Variants in CD109 observed in about 807,000 individuals in gnomAD.
CD109 encodes CD109 antigen.
In CD109, 149 loss-of-function variants were observed where a neutral mutation model predicts 165.8. The observed-to-expected ratio is 0.90, with a 90% CI of 0.79 to 1.03. The LOEUF is 1.03. CD109 is among the 50% of genes least tolerant of loss of function. The probability of loss-of-function intolerance (pLI) is 0.00; values close to 1 mark genes in which losing one functional copy is unlikely to be tolerated. For synonymous variants in CD109, 585 were observed against 592.1 expected, an observed-to-expected ratio of 0.99 and a Z score of 0.18; for missense variants, 1,712 against 1,677.8, an observed-to-expected ratio of 1.02 and a Z score of -0.36.
At chr6:73,680,188 T>C in the CD109 span, among the ~76,000 whole-genome samples, 571 of 152,320 alleles carry the variant, frequency 3.7e-3, 1 homozygote, top group African/African-American at 0.012. Flanking sequence ...ATTTCCTAAC[T>C]ATATTACATA....
At chr6:73,778,121 T>C (rs1482754763) in intron 15 of CD109, among the ~76,000 whole-genome samples, 3 of 152,194 alleles carry the variant, frequency 2.0e-5, no homozygotes, top group African/African-American at 7.2e-5. Context: ...AGAGATCTTT[T>C]ACCTCCCTAG....
At chr6:73,687,193 T>C in the CD109 span, among the ~76,000 whole-genome samples, 2 of 152,326 alleles carry the variant, frequency 1.3e-5, no homozygotes, top group African/African-American at 4.8e-5. Flanking sequence ...AAATCCCTCA[T>C]ATCTACTATT....
At chr6:73,783,930 G>A (rs767413194) in intron 19 of CD109, 106 bp downstream of exon 19, 2 of 633,136 alleles carry the variant, frequency 3.2e-6, no homozygotes, top group Non-Finnish European at 5.5e-6. Context: ...GTTTATCACA[G>A]TTTAGAGATT....
At chr6:73,761,686 A>G (rs1020435423) in intron 7 of CD109, among the ~76,000 whole-genome samples, 1 of 151,692 alleles carries the variant, frequency 6.6e-6, no homozygotes, top group Non-Finnish European at 1.5e-5. Context: ...ACGCCTGGCT[A>G]ATTTTTTTGC....
At chr6:73,798,255 C>T (rs1215173650) in intron 23 of CD109, among the ~76,000 whole-genome samples, 1 of 152,072 alleles carries the variant, frequency 6.6e-6, no homozygotes, top group Non-Finnish European at 1.5e-5. Context: ...GCTGGGACTA[C>T]AGGTGTGTGC....
At chr6:73,805,984 T>C (rs1460141401) in intron 24 of CD109, among the ~76,000 whole-genome samples, 2 of 152,054 alleles carry the variant, frequency 1.3e-5, no homozygotes, top group Non-Finnish European at 2.9e-5. Context: ...CTCTTTCTTT[T>C]CCCCACACCC....
chr6:73,711,432 TTG>T (rs1035291855), intron 2 of CD109, among the ~76,000 whole-genome samples: 9 of 152,344 alleles, frequency 5.9e-5, no homozygotes, highest in Admixed American at 1.3e-4. Flanking sequence ...CTCAGAATAC[TTG>T]TGTTTTCTGT....
chr6:73,736,812 T>A (rs1017419996), intron 5 of CD109, among the ~76,000 whole-genome samples: 2 of 152,238 alleles, frequency 1.3e-5, no homozygotes, highest in Non-Finnish European at 2.9e-5. Context: ...TAAAACTAAG[T>A]AATGAACACA....
chr6:73,729,291 A>T (rs547296349), intron 3 of CD109, among the ~76,000 whole-genome samples: 193 of 152,284 alleles, frequency 1.3e-3, no homozygotes, highest in African/African-American at 4.4e-3. Context: ...TGAAGGGACT[A>T]AAGTCAGAGA....
chr6:73,810,984 C>T lies in CD109; in HGVS notation c.3547-8C>T. The T allele has an allele frequency of 1.2e-6, 2 of 1,608,630 alleles. No individual in the cohort carries two copies. The highest frequency in any genetic ancestry group is 1.7e-6 in the Non-Finnish European group (2 of 1,177,924). ...TTATATGTACAAATGTTTTTCTTCC[C>T]TCAACAGGATACCACTGTGGCTTTA... is the stretch of plus-strand genomic sequence containing the variant. On this transcript the variant is annotated splice_region_variant and splice_polypyrimidine_tract_variant and intron_variant, in intron 27 of 32. Coordinates refer to ENST00000287097, the MANE Select transcript of CD109 (RefSeq NM_133493.5).
At chr6:73,713,978 C>A (rs1771629875) in intron 2 of CD109, among the ~76,000 whole-genome samples, 1 of 152,010 alleles carries the variant, frequency 6.6e-6, no homozygotes, top group African/African-American at 2.4e-5. Flanking sequence ...TGGTATCAGA[C>A]CAGGGCAGGA....
Position 73,722,433 on chromosome 6 carries a change from G to A in CD109, c.248-818G>A, listed in dbSNP as rs149485605. On this transcript the variant is annotated intron_variant, in intron 2 of 32. Coordinates refer to ENST00000287097, the MANE Select transcript of CD109 (RefSeq NM_133493.5). ...CAGTACATATCAAATTCTTGATGTG[G>A]TCTGATTCCAGATGCTGCTAGCTTA... 1.9e-4 allele frequency among the ~76,000 whole-genome samples: 29 copies of A among 152,258 alleles called. No individual in the cohort carries two copies. The East Asian group carries it at 4.8e-3, about 25-fold the overall frequency.
Position 73,763,658 on chromosome 6 carries a change from G to A in CD109, c.1080G>A (p.Leu360=). Residue 360 remains leucine, a synonymous_variant, in exon 10 of 33, where the codon TTG becomes TTA. Coordinates refer to ENST00000287097, the MANE Select transcript of CD109 (RefSeq NM_133493.5). ...IIEFFDYTTV[L]KPSLNFTATV... The stretch of plus-strand genomic sequence containing the variant: ...AGTTTTTTGATTATACTACTGTCTT[G>A]AAGCCATCTCTCAACTTCACAGCCA... The A allele has an allele frequency of 3.2e-6, 5 of 1,584,598 alleles. No homozygotes were observed. Among genetic ancestry groups the A allele is most frequent in the Non-Finnish European group, 3.4e-6 (4 of 1,162,148 alleles).
At chr6:73,713,195 C>G (rs1321614032) in intron 2 of CD109, among the ~76,000 whole-genome samples, 1 of 151,902 alleles carries the variant, frequency 6.6e-6, no homozygotes, top group African/African-American at 2.4e-5. Context: ...CTAGGAAATT[C>G]CAAGCTGTAT....
chr6:73,769,719 C>A (rs1242620996), intron 14 of CD109, among the ~76,000 whole-genome samples: 1 of 152,100 alleles, frequency 6.6e-6, no homozygotes, highest in Non-Finnish European at 1.5e-5. Flanking sequence ...TAGAAATCAT[C>A]CACACAGAAG....
At chr6:73,799,498 C>T (rs555278092) in intron 23 of CD109, among the ~76,000 whole-genome samples, 196 of 152,224 alleles carry the variant, frequency 1.3e-3, no homozygotes, top group Non-Finnish European at 2.3e-3. Context: ...GGAAGCATAG[C>T]GCCGGCATTT....
intron 5 of CD109, among the ~76,000 whole-genome samples, chr6:73,745,760 G>A (rs756749571): frequency 3.9e-5 from 6 of 152,130 alleles, no homozygotes; most frequent in Non-Finnish European, 5.9e-5. Context: ...ACAGAGTCTC[G>A]CTGTGTCACC....
intron 23 of CD109, among the ~76,000 whole-genome samples, chr6:73,802,695 C>CTTTTTTTT (rs572988991): frequency 7.8e-6 from 1 of 127,966 alleles, no homozygotes; most frequent in African/African-American, 2.9e-5. Flanking sequence ...ATATCACAGG[C>CTTTTTTTT]TTTTTTTTTT....
chr6:73,774,208 T>G (rs1404142986), intron 15 of CD109, among the ~76,000 whole-genome samples: 1 of 152,252 alleles, frequency 6.6e-6, no homozygotes, highest in African/African-American at 2.4e-5. Context: ...TGTTGTTTAG[T>G]TGGATGTCTT....
Sources: allele counts gnomAD v4.1 joint callset (sites outside exome capture counted in the v4.1 genomes callset), GRCh38; gene constraint gnomAD v4.1.1; transcripts MANE v1.5; gene names NCBI Gene and HGNC (gene_info 2026-07-23, HGNC 2026-07-21).